The following MED13L variants were observed in gnomAD, a reference collection of about 807,000 sequenced individuals.
The protein encoded by MED13L is mediator complex subunit 13L, also known as mediator of RNA polymerase II transcription subunit 13-like.
A neutral mutation model predicts 220.9 loss-of-function variants in MED13L; 7 were observed. That is an observed-to-expected ratio of 0.03 (90% CI 0.02 to 0.06). The LOEUF (loss-of-function observed/expected upper bound fraction) is 0.06, where lower values mean the gene tolerates loss of function less well. Ranked by LOEUF, MED13L falls within the 10% of genes least tolerant of loss-of-function variation. MED13L has a pLI of 1.00. For missense variants in MED13L, 1,965 were observed against 2,760.5 expected, an observed-to-expected ratio of 0.71 and a Z score of 6.46; for synonymous variants, 1,011 against 1,015.2, an observed-to-expected ratio of 1.00 and a Z score of 0.08.
At chr12:116,172,261 G>C (rs1010775454) in intron 2 of MED13L, among the ~76,000 whole-genome samples, 25 of 152,190 alleles carry the variant, frequency 1.6e-4, no homozygotes, top group African/African-American at 6.0e-4. Context: ...TTTATAAAAT[G>C]AAAGAATCAC....
intron 2 of MED13L, among the ~76,000 whole-genome samples, chr12:116,210,978 C>A (rs1198554520): frequency 6.6e-6 from 1 of 152,072 alleles, no homozygotes; most frequent in Non-Finnish European, 1.5e-5. Flanking sequence ...TAGTTTCCAA[C>A]CACAATGAAT....
rs568682803 is a variant in MED13L, at chr12:116,001,669, G to T, written c.2569+1334C>A. Reference sequence around the variant, plus strand: ...GAACACATATTTATATATATGCTTTGTACACATTAAAATGATCCTCTGTAT... The same window carrying T: ...GAACACATATTTATATATATGCTTTTTACACATTAAAATGATCCTCTGTAT... On this transcript the variant is annotated intron_variant, in intron 14 of 30. Coordinates refer to ENST00000281928, the MANE Select transcript of MED13L (RefSeq NM_015335.5). 9.9e-5 allele frequency among the ~76,000 whole-genome samples: 15 copies of T among 152,030 alleles called. No homozygotes were observed. In the South Asian group the frequency reaches 3.1e-3, roughly 32 times the overall value.
chr12:116,074,134 C>T (rs750781539), intron 4 of MED13L, among the ~76,000 whole-genome samples: 8 of 152,182 alleles, frequency 5.3e-5, no homozygotes, highest in Non-Finnish European at 8.8e-5. Flanking sequence ...GTGGCTCATG[C>T]CTGTAATCCC....
intron 2 of MED13L, among the ~76,000 whole-genome samples, chr12:116,134,247 T>C (rs1404977437): frequency 6.6e-6 from 1 of 152,176 alleles, no homozygotes; most frequent in Non-Finnish European, 1.5e-5. Flanking sequence ...GGATGATTAG[T>C]GTTGGATGAT....
In MED13L at chr12:116,001,059, TTAAA is replaced by T. The variant is rs1412747888; in HGVS notation, c.2569+1940_2569+1943del. ...CATGTAAAAATAATATTTTGGATACTTAAATAAAATACTGTATATTATTAAAATT... is the reference window on the plus strand; with the variant it reads ...CATGTAAAAATAATATTTTGGATACTTAAAATACTGTATATTATTAAAATT... On this transcript the variant is annotated intron_variant, in intron 14 of 30. Transcript: ENST00000281928. 7.9e-5 allele frequency among the ~76,000 whole-genome samples: 12 copies of T among 152,342 alleles called. No individual in the cohort carries two copies. In the South Asian group the frequency reaches 1.2e-3, roughly 16 times the overall value.
intron 4 of MED13L, among the ~76,000 whole-genome samples, chr12:116,095,844 T>C (rs1872592771): frequency 6.6e-6 from 1 of 152,182 alleles, no homozygotes; most frequent in Admixed American, 6.5e-5. Flanking sequence ...GTGTGACTGA[T>C]CTAAAATTCC....
chr12:116,006,245 C>T (rs970834194), intron 12 of MED13L, 61 bp downstream of exon 12: 2 of 1,431,500 alleles, frequency 1.4e-6, no homozygotes, highest in East Asian at 2.3e-5. Context: ...CATTGAGAAG[C>T]ATCTCCTTTG....
intron 2 of MED13L, among the ~76,000 whole-genome samples, chr12:116,205,836 G>A (rs150804270): frequency 4.0e-5 from 6 of 151,550 alleles, no homozygotes; most frequent in East Asian, 1.9e-4. Flanking sequence ...TCACCACTGC[G>A]ATAATCATAA....
At chr12:116,214,063 G>A (rs1360923757) in intron 2 of MED13L, among the ~76,000 whole-genome samples, 1 of 152,112 alleles carries the variant, frequency 6.6e-6, no homozygotes, top group Non-Finnish European at 1.5e-5. Flanking sequence ...CTGCCTATGG[G>A]GTAGCCCTGC....
At chr12:116,275,148 CT>C (rs974638795) in intron 1 of MED13L, among the ~76,000 whole-genome samples, 3 of 151,966 alleles carry the variant, frequency 2.0e-5, no homozygotes, top group African/African-American at 7.3e-5. Context: ...TTTTAATTAC[CT>C]GTAAGTGTCA....
chr12:116,244,864 G>A (rs533982688), intron 1 of MED13L, among the ~76,000 whole-genome samples: 3 of 152,144 alleles, frequency 2.0e-5, no homozygotes, highest in Non-Finnish European at 4.4e-5. Flanking sequence ...AAGTGAGCGG[G>A]TCTCTTGAGC....
chr12:116,210,115 G>A (rs1341246095), intron 2 of MED13L, among the ~76,000 whole-genome samples: 5 of 152,142 alleles, frequency 3.3e-5, no homozygotes, highest in African/African-American at 1.2e-4. Context: ...AAACATTGTG[G>A]GAAAGGGGCA....
At chr12:116,223,341 AT>A (rs1442256629) in intron 2 of MED13L, among the ~76,000 whole-genome samples, 9 of 152,188 alleles carry the variant, frequency 5.9e-5, no homozygotes, top group Admixed American at 1.3e-4. Context: ...CTAAAAAAAA[AT>A]ATGAAGAATT....
chr12:116,127,120 A>G (rs948411665), intron 2 of MED13L, among the ~76,000 whole-genome samples: 3 of 152,224 alleles, frequency 2.0e-5, no homozygotes, highest in Non-Finnish European at 2.9e-5. Flanking sequence ...CAGCTATTAA[A>G]AAGCATAACA....
At chr12:116,070,064 T>C (rs1382016390) in intron 4 of MED13L, among the ~76,000 whole-genome samples, 1 of 152,192 alleles carries the variant, frequency 6.6e-6, no homozygotes, top group African/African-American at 2.4e-5. Context: ...TATAATTACA[T>C]TCAAGTTTTA....
intron 1 of MED13L, among the ~76,000 whole-genome samples, chr12:116,275,228 G>C (rs1361381445): frequency 6.6e-6 from 1 of 152,016 alleles, no homozygotes; most frequent in Non-Finnish European, 1.5e-5. Context: ...GCTAATCTAT[G>C]GAAGTCCCTG....
intron 4 of MED13L, among the ~76,000 whole-genome samples, chr12:116,034,221 C>A (rs1352991838): frequency 1.3e-5 from 2 of 152,050 alleles, no homozygotes; most frequent in Non-Finnish European, 2.9e-5. Flanking sequence ...TTTGTGAGGA[C>A]AGGAATCATA....
At chr12:116,219,994 A>G (rs867581162) in intron 2 of MED13L, among the ~76,000 whole-genome samples, 1 of 152,018 alleles carries the variant, frequency 6.6e-6, no homozygotes, top group African/African-American at 2.4e-5. Flanking sequence ...ACAGGGTTTC[A>G]CCATCTTGGC....
chr12:116,012,606 C>T (rs943031486), intron 9 of MED13L, among the ~76,000 whole-genome samples, 191 bp downstream of exon 9: 6 of 152,062 alleles, frequency 3.9e-5, no homozygotes, highest in African/African-American at 1.2e-4. Flanking sequence ...TTAACAGGGC[C>T]GATTGTCTAA....
Sources: gnomAD v4.1 joint callset for allele counts (sites outside exome capture counted in the v4.1 genomes callset) on GRCh38, gnomAD v4.1.1 for gene constraint, MANE v1.5 for transcripts, NCBI Gene and HGNC (gene_info 2026-07-23, HGNC 2026-07-21) for gene names.